The following TRMT6 variants were observed in gnomAD, a reference collection of about 807,000 sequenced individuals.
The protein encoded by TRMT6 is tRNA (adenine(58)-N(1))-methyltransferase non-catalytic subunit TRM6.
TRMT6 carries 34 observed loss-of-function variants against 59.0 expected under a neutral mutation model. The ratio of observed to expected loss-of-function variants is 0.58; its 90% CI spans 0.44 to 0.77. The LOEUF is 0.77. TRMT6 is among the 30% of genes least tolerant of loss of function. The pLI, the probability that TRMT6 is intolerant of heterozygous loss-of-function variation, is 0.00. For missense variants in TRMT6, 575 were observed against 604.5 expected, an observed-to-expected ratio of 0.95 and a Z score of 0.51; for synonymous variants, 217 against 210.5, an observed-to-expected ratio of 1.03 and a Z score of -0.27.
chr20:5,944,196 C>G lies in TRMT6; in HGVS notation c.424G>C (p.Ala142Pro). The G allele has an allele frequency of 1.3e-6, 2 of 1,566,164 alleles. No homozygotes were observed. The highest frequency in any genetic ancestry group is 1.7e-6 in the Non-Finnish European group (2 of 1,156,194). Residue 142 changes from alanine to proline, a missense_variant, in exon 4 of 11, where the codon GCC becomes CCC. Coordinates refer to ENST00000203001, the MANE Select transcript of TRMT6 (RefSeq NM_015939.5). The part of the protein sequence containing the change: ...STTFRDKTEF[A>P]QDKYIKKKKK... ...TTCTTTTTAATATATTTATCTTGGG[C>G]AAATTCTGTCTTGTCTCGGAATGTT...
chr20:5,946,807 C>G (rs2298177), intron 1 of TRMT6, among the ~76,000 whole-genome samples: 14 of 152,102 alleles, frequency 9.2e-5, no homozygotes, highest in African/African-American at 2.7e-4. Flanking sequence ...TTGGTCTGAT[C>G]GGCCATTTTA....
chr20:5,949,920 G>A (rs1056102502), intron 1 of TRMT6, among the ~76,000 whole-genome samples: 1 of 139,206 alleles, frequency 7.2e-6, no homozygotes, highest in Admixed American at 7.0e-5. Flanking sequence ...CTTCAGGACA[G>A]GTGATTAGGG....
At chr20:5,941,864 A>G (rs948055972) in intron 8 of TRMT6, 87 bp downstream of exon 8, 2 of 1,193,080 alleles carry the variant, frequency 1.7e-6, no homozygotes, top group Non-Finnish European at 2.4e-6. Context: ...CTAGAGTCAA[A>G]GCAGACAAGG....
chr20:5,948,670 GTC>G (rs1227734654), intron 1 of TRMT6, among the ~76,000 whole-genome samples: 2 of 151,744 alleles, frequency 1.3e-5, no homozygotes, highest in African/African-American at 2.4e-5. Flanking sequence ...GTGAAACTCT[GTC>G]TCTGCAAAAA....
chr20:5,949,398 T>A (rs1439281983), intron 1 of TRMT6, among the ~76,000 whole-genome samples: 1 of 152,076 alleles, frequency 6.6e-6, no homozygotes, highest in Non-Finnish European at 1.5e-5. Context: ...CTCAGATAAA[T>A]TAATCCAAAT....
intron 7 of TRMT6, 99 bp downstream of exon 7, chr20:5,942,329 G>A (rs751146405): frequency 2.9e-6 from 3 of 1,036,868 alleles, no homozygotes; most frequent in Non-Finnish European, 4.5e-6. Flanking sequence ...TATCATCTTG[G>A]GAGCTAATAC....
intron 2 of TRMT6, 61 bp downstream of exon 2, chr20:5,946,345 G>A: frequency 2.5e-6 from 4 of 1,605,254 alleles, no homozygotes; most frequent in Non-Finnish European, 2.6e-6. Flanking sequence ...TTAGGTGGAG[G>A]CTGAGATGTT....
chr20:5,948,330 G>C (rs994369927), intron 1 of TRMT6, among the ~76,000 whole-genome samples: 18 of 152,330 alleles, frequency 1.2e-4, no homozygotes, highest in Admixed American at 3.9e-4. Flanking sequence ...AGGATTTGCA[G>C]AGTCTACTTC....
Position 5,950,460 on chromosome 20 carries a change from C to G in TRMT6, c.-55G>C, listed in dbSNP as rs1663026287. 2.4e-5 allele frequency: 36 copies of G among 1,517,104 alleles called. No individual in the cohort carries two copies. In the South Asian group the frequency reaches 4.3e-4, roughly 18 times the overall value. The allele number at this position is 1,517,104 out of a possible 1,614,324, so 94.0% of individuals were successfully genotyped here. ...CGTCCCGCCCCTCCTCCTCGGTTGTCGCCACCGCCAGCCTCACTTCCCACA... is the reference window on the plus strand; with the variant it reads ...CGTCCCGCCCCTCCTCCTCGGTTGTGGCCACCGCCAGCCTCACTTCCCACA... On this transcript the variant is annotated 5_prime_UTR_variant, in exon 1 of 11. Coordinates refer to ENST00000203001, the MANE Select transcript of TRMT6 (RefSeq NM_015939.5).
chr20:5,940,625 T>C (rs760176363), intron 10 of TRMT6, among the ~76,000 whole-genome samples: 1 of 152,152 alleles, frequency 6.6e-6, no homozygotes, highest in Non-Finnish European at 1.5e-5. Context: ...ATTTTTATTT[T>C]GTTTTGTTTT....
intron 3 of TRMT6, 110 bp from the exon 4 acceptor site, chr20:5,944,363 C>A: frequency 1.6e-6 from 1 of 611,322 alleles, no homozygotes; most frequent in Non-Finnish European, 2.8e-6. Context: ...TCTCCAATCC[C>A]TTTTCCACAG....
Position 5,938,437 on chromosome 20 carries a change from T to C in TRMT6, c.*98A>G. ...AAACGGGTACATAGACATGTTCTTATTCTTGGGATATGAAAAAACAAGTAG... is the reference window on the plus strand; with the variant it reads ...AAACGGGTACATAGACATGTTCTTACTCTTGGGATATGAAAAAACAAGTAG... On this transcript the variant is annotated 3_prime_UTR_variant, in exon 11 of 11. Coordinates refer to ENST00000203001, the MANE Select transcript of TRMT6 (RefSeq NM_015939.5). 1.6e-6 allele frequency: 2 copies of C among 1,244,260 alleles called. No individual in the cohort carries two copies. The highest frequency in any genetic ancestry group is 4.6e-4 in the Middle Eastern group (2 of 4,388). The allele number at this position is 1,244,260 out of a possible 1,614,324, so 77.1% of individuals were successfully genotyped here.
chr20:5,944,699 A>G (rs1331283285), intron 3 of TRMT6, 106 bp downstream of exon 3: 1 of 720,256 alleles, frequency 1.4e-6, no homozygotes, highest in Non-Finnish European at 2.4e-6. Context: ...TCAAAGCTAT[A>G]ACGTTATTTT....
At chr20:5,948,012 T>C (rs909042551) in intron 1 of TRMT6, among the ~76,000 whole-genome samples, 2 of 152,186 alleles carry the variant, frequency 1.3e-5, no homozygotes, top group Non-Finnish European at 2.9e-5. Context: ...AATTAGTTAC[T>C]GAGGAGGCTG....
intron 3 of TRMT6, 147 bp from the exon 4 acceptor site, chr20:5,944,400 T>C (rs1227480187): frequency 1.9e-6 from 1 of 518,822 alleles, no homozygotes; most frequent in Non-Finnish European, 3.4e-6. Flanking sequence ...ACTTTATATT[T>C]CTATACTCTA....
chr20:5,944,573 C>G (rs1005517), intron 3 of TRMT6, among the ~76,000 whole-genome samples: 7,065 of 152,266 alleles, frequency 0.046, 304 homozygotes, highest in South Asian at 0.12. Flanking sequence ...TCCTGATATG[C>G]ACTGTTATTA....
intron 10 of TRMT6, among the ~76,000 whole-genome samples, chr20:5,939,311 T>C (rs2088635811): frequency 6.6e-6 from 1 of 151,902 alleles, no homozygotes; most frequent in African/African-American, 2.4e-5. Context: ...TGAAACCCCA[T>C]CTCTACTAAA....
rs374419407 is a variant in TRMT6, at chr20:5,942,778, A to T, written c.676T>A (p.Ser226Thr). The T allele has an allele frequency of 3.0e-5, 48 of 1,611,876 alleles. No homozygotes were observed. Among genetic ancestry groups the T allele is most frequent in the Non-Finnish European group, 3.7e-5 (44 of 1,179,120 alleles). Residue 226 changes from serine to threonine, a missense_variant, in exon 7 of 11, where the codon TCC becomes ACC. Transcript: ENST00000203001. ...CCTCCAGGGTATAGCTGAATAATGG[A>T]GCCAAAACCTGAACAGATAAAAGAA... ...AMMERMGGFG[S>T]IIQLYPGGGP...
At chr20:5,948,751 C>T (rs994886356) in intron 1 of TRMT6, among the ~76,000 whole-genome samples, 6 of 152,110 alleles carry the variant, frequency 3.9e-5, no homozygotes, top group African/African-American at 1.4e-4. Context: ...GCAGGTATTA[C>T]ATTTCCGGAC....
Sources: allele counts gnomAD v4.1 joint callset (sites outside exome capture counted in the v4.1 genomes callset), GRCh38; gene constraint gnomAD v4.1.1; transcripts MANE v1.5; gene names NCBI Gene and HGNC (gene_info 2026-07-23, HGNC 2026-07-21).